The following C14orf119 variants were observed in gnomAD, a reference collection of about 807,000 sequenced individuals.
C14orf119 encodes uncharacterized protein C14orf119.
In C14orf119, 17 loss-of-function variants were observed where a neutral mutation model predicts 13.5. The ratio of observed to expected loss-of-function variants is 1.26; its 90% confidence interval spans 0.86 to 1.88. The LOEUF (loss-of-function observed/expected upper bound fraction) is 1.88, where lower values mean the gene tolerates loss of function less well. C14orf119 is among the 40% of genes most tolerant of loss of function. The pLI, the probability that C14orf119 is intolerant of heterozygous loss-of-function variation, is 0.00. For missense variants in C14orf119, 162 were observed against 165.9 expected (o/e 0.98, Z 0.13); for synonymous variants, 61 against 61.9 (o/e 0.99, Z 0.07).
In C14orf119 at chr14:23,098,445, C is replaced by T; in HGVS notation, c.*364C>T. 2 of 214,612 alleles carry T rather than the reference C, an allele frequency of 9.3e-6. No homozygotes were observed. The highest frequency in any genetic ancestry group is 2.1e-5 in the Non-Finnish European group (2 of 95,280). The allele number at this position is 214,612 out of a possible 1,614,324, so 13.3% of individuals were successfully genotyped here. A position where few individuals can be genotyped will look rare whatever the true frequency, so the allele number is the denominator to read the frequency against. The stretch of plus-strand genomic sequence containing the variant: ...ATGTGTAAAGTAGAACCCTCCTTCC[C>T]GAGAAATAAGACAGGACAATAAAAG... On this transcript the variant is annotated 3_prime_UTR_variant, in exon 2 of 2. Coordinates refer to ENST00000319074, the MANE Select transcript of C14orf119 (RefSeq NM_017924.4).
chr14:23,095,855 A>G (rs17126534), intron 1 of C14orf119, among the ~76,000 whole-genome samples: 4,018 of 152,206 alleles, frequency 0.026, 172 homozygotes, highest in African/African-American at 0.079. Context: ...GACCCAGACT[A>G]TGAACTGATC....
At position 23,097,962 on chromosome 14, in the gene C14orf119, T is replaced by C; in HGVS notation, c.304T>C (p.Trp102Arg). 1.2e-6 allele frequency: 2 copies of C among 1,614,144 alleles called. No homozygotes were observed. The highest frequency in any genetic ancestry group is 2.2e-5 in the East Asian group (1 of 44,882). Residue 102 changes from tryptophan to arginine, a missense_variant, in exon 2 of 2, where the codon TGG (tryptophan) becomes CGG (arginine). By Grantham distance (101) the Trp-to-Arg change is moderately radical. Coordinates refer to ENST00000319074, the MANE Select transcript of C14orf119 (RefSeq NM_017924.4). ...FECQLHLWDQ[W>R]FRGWAEQERN... ...GTGCCAGCTACATCTTTGGGATCAG[T>C]GGTTTCGAGGCTGGGCTGAGCAGGA...
Position 23,095,743 on chromosome 14 carries a change from C to T in C14orf119, c.-2+124C>T, listed in dbSNP as rs545118396. Reference sequence around the variant, plus strand: ...CTGCCCTCTGTCCTCTGAATCATAGCCACTCCCATCTTAGGCTTTTTTTGG... The same window carrying T: ...CTGCCCTCTGTCCTCTGAATCATAGTCACTCCCATCTTAGGCTTTTTTTGG... On this transcript the variant is annotated intron_variant, in intron 1 of 1. Transcript: ENST00000319074. 3.5e-4 allele frequency: 56 copies of T among 161,920 alleles called. No individual in the cohort carries two copies. In the South Asian group the frequency reaches 6.1e-3, roughly 18 times the overall value. 10.0% of individuals were successfully genotyped at this position (161,920 alleles called of 1,614,324 possible). A position where few individuals can be genotyped will look rare whatever the true frequency, so the allele number is the denominator to read the frequency against.
rs978969043 is a variant in C14orf119 at position 23,095,574 on chromosome 14, A to G, written c.-47A>G. On this transcript the variant is annotated 5_prime_UTR_variant, in exon 1 of 2. Transcript: ENST00000319074. ...GAAGCTGCCGCAGTAGTTGGAGTCTAAGGACTCGTGACAATCTTCGGGTGC... is the reference window on the plus strand; with the variant it reads ...GAAGCTGCCGCAGTAGTTGGAGTCTGAGGACTCGTGACAATCTTCGGGTGC... 1 of 428,588 alleles carries G rather than the reference A, an allele frequency of 2.3e-6. No homozygotes were observed. The highest frequency in any genetic ancestry group is 4.2e-5 in the East Asian group (1 of 23,742). 26.5% of individuals were successfully genotyped at this position (428,588 alleles called of 1,614,324 possible). A position where few individuals can be genotyped will look rare whatever the true frequency, so the allele number is the denominator to read the frequency against.
rs2048355346 is a variant in C14orf119 at position 23,095,508 on chromosome 14, G to C, written c.-113G>C. On this transcript the variant is annotated 5_prime_UTR_variant, in exon 1 of 2. Coordinates refer to ENST00000319074, the MANE Select transcript of C14orf119 (RefSeq NM_017924.4). Reference sequence around the variant, plus strand: ...GCGGGTCCGAGGCCGGAAGTGCGTGGGCTGCCGGGCTGGCCCAGCTTAGGG... The same window carrying C: ...GCGGGTCCGAGGCCGGAAGTGCGTGCGCTGCCGGGCTGGCCCAGCTTAGGG... The C allele has an allele frequency of 3.4e-6, 2 of 586,410 alleles. No individual in the cohort carries two copies. Among genetic ancestry groups the C allele is most frequent in the African/African-American group, 3.7e-5 (2 of 53,444 alleles). 36.3% of individuals were successfully genotyped at this position (586,410 alleles called of 1,614,324 possible).
rs1168562141 is a variant in C14orf119, at chr14:23,099,701, A to C, written c.*1620A>C. ...CAACCTTCCGAATAGCTGGGACTAC[A>C]GGCGCACGCCGCACCACCACGTCTG... On this transcript the variant is annotated 3_prime_UTR_variant, in exon 2 of 2. Coordinates refer to ENST00000319074, the MANE Select transcript of C14orf119 (RefSeq NM_017924.4). 1 of 342,814 alleles carries C rather than the reference A, an allele frequency of 2.9e-6. No individual in the cohort carries two copies. The highest frequency in any genetic ancestry group is 2.1e-5 in the African/African-American group (1 of 47,230). 21.2% of individuals were successfully genotyped at this position (342,814 alleles called of 1,614,324 possible). A position where few individuals can be genotyped will look rare whatever the true frequency, so the allele number is the denominator to read the frequency against.
chr14:23,098,029 A>T lies in C14orf119; in HGVS notation c.371A>T (p.Asp124Val). ...FVRQLEFSEP[D>V]FVAKFYQAVA... The stretch of plus-strand genomic sequence containing the variant: ...AGACAGCTGGAGTTCAGTGAGCCAG[A>T]CTTCGTGGCAAAGTTTTACCAAGCA... Residue 124 changes from aspartate (D) to valine (V), a missense_variant, in exon 2 of 2, where the codon GAC (aspartate) becomes GTC (valine). Coordinates refer to ENST00000319074, the MANE Select transcript of C14orf119 (RefSeq NM_017924.4). 1 of 1,614,170 alleles carries T rather than the reference A, an allele frequency of 6.2e-7. No homozygotes were observed. The highest frequency in any genetic ancestry group is 1.1e-5 in the South Asian group (1 of 91,074).
At position 23,097,700 on chromosome 14, in the gene C14orf119, ATC is replaced by A. The variant is rs983019524; in HGVS notation, c.48_49del (p.Leu17ThrfsTer8). On this transcript the variant is annotated frameshift_variant, in exon 2 of 2. Coordinates refer to ENST00000319074, the MANE Select transcript of C14orf119 (RefSeq NM_017924.4). LOFTEE classifies it high-confidence loss of function. ...SSSSMPLSFP[S>X]LLPSVPHNTN... ...CCTCTTCAATGCCACTATCCTTCCCATCTCTCTTACCCTCAGTACCACACAAT... is the reference window on the plus strand; with the variant it reads ...CCTCTTCAATGCCACTATCCTTCCCATCTCTTACCCTCAGTACCACACAAT... 6 of 1,613,850 alleles carry A rather than the reference ATC, an allele frequency of 3.7e-6. No homozygotes were observed. The highest frequency in any genetic ancestry group is 1.3e-5 in the African/African-American group (1 of 74,840).
chr14:23,099,355 C>T lies in C14orf119; in HGVS notation c.*1274C>T, dbSNP rs1280319997. 3 of 413,358 alleles carry T rather than the reference C, an allele frequency of 7.3e-6. No individual in the cohort carries two copies. The highest frequency in any genetic ancestry group is 1.3e-5 in the Non-Finnish European group (3 of 226,166). 25.6% of individuals were successfully genotyped at this position (413,358 alleles called of 1,614,324 possible). The stretch of plus-strand genomic sequence containing the variant: ...TGGTGAATGGTAAGAGGCAGATGGT[C>T]TCACAGGAAGAGTGGCTCTTTTCTG... On this transcript the variant is annotated 3_prime_UTR_variant, in exon 2 of 2. Transcript: ENST00000319074.
chr14:23,100,348 G>A lies in C14orf119; in HGVS notation c.*2267G>A, dbSNP rs1414000352. On this transcript the variant is annotated 3_prime_UTR_variant, in exon 2 of 2. Transcript: ENST00000319074. Reference sequence around the variant, plus strand: ...TTATTGTATGGGAGGAGGGAGTCAGGTAGTGACGGGACTGGATGATCGTGT... The same window carrying A: ...TTATTGTATGGGAGGAGGGAGTCAGATAGTGACGGGACTGGATGATCGTGT... 4.9e-6 allele frequency: 2 copies of A among 410,628 alleles called. No homozygotes were observed. Among genetic ancestry groups the A allele is most frequent in the Non-Finnish European group, 8.9e-6 (2 of 225,012 alleles). 25.4% of individuals were successfully genotyped at this position (410,628 alleles called of 1,614,324 possible).
Position 23,099,217 on chromosome 14 carries a change from T to A in C14orf119, c.*1136T>A. On this transcript the variant is annotated 3_prime_UTR_variant, in exon 2 of 2. Transcript: ENST00000319074. ...TAGAAATTAAGTATACACAATAGAT[T>A]TTCCATCCAGTTGTCTCACAAGAAA... The A allele has an allele frequency of 2.4e-6, 1 of 413,084 alleles. No individual in the cohort carries two copies. The highest frequency in any genetic ancestry group is 4.4e-6 in the Non-Finnish European group (1 of 226,070). 25.6% of individuals were successfully genotyped at this position (413,084 alleles called of 1,614,324 possible). A position where few individuals can be genotyped will look rare whatever the true frequency, so the allele number is the denominator to read the frequency against.
At position 23,100,328 on chromosome 14, in the gene C14orf119, G is replaced by A. The variant is rs1306339466; in HGVS notation, c.*2247G>A. On this transcript the variant is annotated 3_prime_UTR_variant, in exon 2 of 2. Coordinates refer to ENST00000319074, the MANE Select transcript of C14orf119 (RefSeq NM_017924.4). ...CCTAGAGATGGGGGAATGTGTTATTGTATGGGAGGAGGGAGTCAGGTAGTG... is the reference window on the plus strand; with the variant it reads ...CCTAGAGATGGGGGAATGTGTTATTATATGGGAGGAGGGAGTCAGGTAGTG... 7.3e-6 allele frequency: 3 copies of A among 408,680 alleles called. No homozygotes were observed. The highest frequency in any genetic ancestry group is 1.3e-5 in the Non-Finnish European group (3 of 223,808). The allele number at this position is 408,680 out of a possible 1,614,324, so 25.3% of individuals were successfully genotyped here.
In C14orf119 at chr14:23,099,577, G is replaced by A. The variant is rs887478275; in HGVS notation, c.*1496G>A. ...ATTACCTTTTTTTTTTTTTTTTTTT[G>A]GAGACAAGGTCTTGGTCTGTTGCCC... is the stretch of plus-strand genomic sequence containing the variant. On this transcript the variant is annotated 3_prime_UTR_variant, in exon 2 of 2. Transcript: ENST00000319074. 1 of 211,034 alleles carries A rather than the reference G, an allele frequency of 4.7e-6. No individual in the cohort carries two copies. The highest frequency in any genetic ancestry group is 5.6e-5 in the African/African-American group (1 of 17,938). 13.1% of individuals were successfully genotyped at this position (211,034 alleles called of 1,614,324 possible). A position where few individuals can be genotyped will look rare whatever the true frequency, so the allele number is the denominator to read the frequency against.
At position 23,099,825 on chromosome 14, in the gene C14orf119, A is replaced by C. The variant is rs2048416331; in HGVS notation, c.*1744A>C. On this transcript the variant is annotated 3_prime_UTR_variant, in exon 2 of 2. Transcript: ENST00000319074. ...TCATTAAGAGGGACTATCGAACCTT[A>C]AAGTAGAAATAAGATCAAGATCTAA... 1 of 186,820 alleles carries C rather than the reference A, an allele frequency of 5.4e-6. No individual in the cohort carries two copies. Among genetic ancestry groups the C allele is most frequent in the South Asian group, 2.0e-4 (1 of 4,998 alleles). The allele number at this position is 186,820 out of a possible 1,614,324, so 11.6% of individuals were successfully genotyped here. A position where few individuals can be genotyped will look rare whatever the true frequency, so the allele number is the denominator to read the frequency against.
rs2048397273 is a variant in C14orf119, at chr14:23,097,788, C to T, written c.130C>T (p.His44Tyr). Reference sequence around the variant, plus strand: ...CTCCCAGGAGATGAAGTGTATTCTTCACTGGTTTGCCAATTGGTCAGGTCC... The same window carrying T: ...CTCCCAGGAGATGAAGTGTATTCTTTACTGGTTTGCCAATTGGTCAGGTCC... ...ITSQEMKCIL[H>Y]WFANWSGPQR... The change falls in exon 2 of 2, where the codon CAC (histidine) becomes TAC (tyrosine). Residue 44 changes from histidine (H) to tyrosine (Y), a missense_variant. Physicochemically the swap from His to Tyr is moderately conservative, Grantham distance 83 (BLOSUM62 2). Transcript: ENST00000319074. The T allele has an allele frequency of 6.2e-7, 1 of 1,614,212 alleles. No individual in the cohort carries two copies. Among genetic ancestry groups the T allele is most frequent in the Non-Finnish European group, 8.5e-7 (1 of 1,180,030 alleles).
chr14:23,097,026 G>C (rs1481906730), intron 1 of C14orf119, among the ~76,000 whole-genome samples: 6 of 152,060 alleles, frequency 3.9e-5, no homozygotes, highest in Admixed American at 3.9e-4. Flanking sequence ...TCTTTCATGC[G>C]TTACCTTATT....
Position 23,097,948 on chromosome 14 carries a change from A to G in C14orf119, c.290A>G (p.His97Arg), listed in dbSNP as rs2048399025. Residue 97 changes from histidine (H) to arginine (R), a missense_variant, in exon 2 of 2, where the codon CAT becomes CGT. Physicochemically the swap from His to Arg is conservative, Grantham distance 29. Coordinates refer to ENST00000319074, the MANE Select transcript of C14orf119 (RefSeq NM_017924.4). ...CCTTCTATCTTTGAGTGCCAGCTAC[A>G]TCTTTGGGATCAGTGGTTTCGAGGC... ...RPPSIFECQL[H>R]LWDQWFRGWA... 6 of 1,614,202 alleles carry G rather than the reference A, an allele frequency of 3.7e-6. No homozygotes were observed. The East Asian group carries it at 1.1e-4, about 30-fold the overall frequency.
At chr14:23,097,103 C>T (rs1046880386) in intron 1 of C14orf119, among the ~76,000 whole-genome samples, 3 of 152,114 alleles carry the variant, frequency 2.0e-5, no homozygotes, top group African/African-American at 7.2e-5. Flanking sequence ...AAGGAGGTAA[C>T]GGATGTTATG....
In C14orf119 at chr14:23,099,209, C is replaced by G. The variant is rs2048410301; in HGVS notation, c.*1128C>G. ...AAAGAAAGTAGAAATTAAGTATACA[C>G]AATAGATTTTCCATCCAGTTGTCTC... On this transcript the variant is annotated 3_prime_UTR_variant, in exon 2 of 2. Coordinates refer to ENST00000319074, the MANE Select transcript of C14orf119 (RefSeq NM_017924.4). 4 of 412,868 alleles carry G rather than the reference C, an allele frequency of 9.7e-6. No individual in the cohort carries two copies. Among genetic ancestry groups the G allele is most frequent in the Middle Eastern group, 6.3e-4 (1 of 1,586 alleles). The allele number at this position is 412,868 out of a possible 1,614,324, so 25.6% of individuals were successfully genotyped here.
Sources: allele counts gnomAD v4.1 joint callset (sites outside exome capture counted in the v4.1 genomes callset), GRCh38; gene constraint gnomAD v4.1.1; transcripts MANE v1.5; gene names NCBI Gene and HGNC (gene_info 2026-07-23, HGNC 2026-07-21).